Variants in GABRG3 observed in about 807,000 individuals in gnomAD.
The protein encoded by GABRG3 is gamma-aminobutyric acid receptor subunit gamma-3.
A neutral mutation model predicts 48.8 loss-of-function variants in GABRG3; 25 were observed. The observed-to-expected ratio is 0.51, with a 90% confidence interval of 0.37 to 0.72. GABRG3 has a LOEUF of 0.72. GABRG3 is among the 30% of genes least tolerant of loss of function. GABRG3 has a pLI of 0.00. For synonymous variants in GABRG3, 227 were observed against 217.6 expected, an observed-to-expected ratio of 1.04 and a Z score of -0.38; for missense variants, 394 against 577.9, an observed-to-expected ratio of 0.68 and a Z score of 3.26.
At chr15:27,106,282 C>G (rs1030109727) in intron 3 of GABRG3, among the ~76,000 whole-genome samples, 2 of 151,838 alleles carry the variant, frequency 1.3e-5, no homozygotes, top group Non-Finnish European at 2.9e-5. Context: ...GCTCTTGCTA[C>G]AAAAAACAAA....
At chr15:27,189,049 G>C (rs1282689087) in intron 3 of GABRG3, among the ~76,000 whole-genome samples, 1 of 151,930 alleles carries the variant, frequency 6.6e-6, no homozygotes, top group African/African-American at 2.4e-5. Context: ...GATATATGGC[G>C]TTGTTTCTGA....
chr15:27,028,584 A>G (rs533314861), intron 3 of GABRG3, among the ~76,000 whole-genome samples: 2 of 152,264 alleles, frequency 1.3e-5, no homozygotes, highest in African/African-American at 4.8e-5. Context: ...AGGCAGGCAG[A>G]TCACAAGGTC....
chr15:27,287,849 C>T (rs983923188), intron 3 of GABRG3, among the ~76,000 whole-genome samples: 12 of 151,406 alleles, frequency 7.9e-5, no homozygotes, highest in South Asian at 2.1e-4. Flanking sequence ...TACCATTCTC[C>T]GGCCTCAGTC....
At chr15:27,016,906 C>T (rs182398172) in intron 2 of GABRG3, among the ~76,000 whole-genome samples, 278 of 152,246 alleles carry the variant, frequency 1.8e-3, no homozygotes, top group African/African-American at 6.4e-3. Context: ...TTTAAATTCG[C>T]TTAATGTATT....
chr15:27,389,168 A>G (rs576538860), intron 5 of GABRG3, among the ~76,000 whole-genome samples: 1 of 152,226 alleles, frequency 6.6e-6, no homozygotes, highest in Non-Finnish European at 1.5e-5. Context: ...CCAAATAGAA[A>G]GTTAACAGAA....
intron 3 of GABRG3, among the ~76,000 whole-genome samples, chr15:27,047,880 T>A (rs1439594141): frequency 6.6e-6 from 1 of 152,200 alleles, no homozygotes; most frequent in Admixed American, 6.5e-5. Context: ...ATCTATTAAG[T>A]TTTAACTGGT....
At chr15:27,503,460 C>T (rs1305590371) in intron 6 of GABRG3, among the ~76,000 whole-genome samples, 1 of 152,154 alleles carries the variant, frequency 6.6e-6, no homozygotes, top group Non-Finnish European at 1.5e-5. Flanking sequence ...CTCTCCATTT[C>T]AGGAATCCTG....
At chr15:27,306,690 A>C in intron 3 of GABRG3, among the ~76,000 whole-genome samples, 1 of 127,204 alleles carries the variant, frequency 7.9e-6, no homozygotes, top group Non-Finnish European at 1.6e-5. Context: ...ATATATGAAC[A>C]TGTTTATATA....
chr15:27,403,439 A>C (rs537981328), intron 5 of GABRG3, among the ~76,000 whole-genome samples: 1 of 152,332 alleles, frequency 6.6e-6, no homozygotes, highest in East Asian at 1.9e-4. Flanking sequence ...AATCATGGTG[A>C]ATAAGAATGT....
chr15:26,978,104 A>C (rs1186647690), intron 2 of GABRG3, among the ~76,000 whole-genome samples: 1 of 151,834 alleles, frequency 6.6e-6, no homozygotes, highest in Non-Finnish European at 1.5e-5. Flanking sequence ...CTCTTCTTTT[A>C]TTTTATTTAT....
At chr15:27,218,025 T>G (rs1889320618) in intron 3 of GABRG3, among the ~76,000 whole-genome samples, 1 of 152,164 alleles carries the variant, frequency 6.6e-6, no homozygotes, top group African/African-American at 2.4e-5. Flanking sequence ...TTCTCCGAAC[T>G]GCAGGGGAGC....
At chr15:27,421,913 T>G (rs906078470) in intron 5 of GABRG3, among the ~76,000 whole-genome samples, 2 of 148,496 alleles carry the variant, frequency 1.3e-5, no homozygotes, top group Non-Finnish European at 1.5e-5. Context: ...AAGATATCCA[T>G]GGGAGTGGGC....
intron 3 of GABRG3, among the ~76,000 whole-genome samples, chr15:27,146,523 C>T (rs1204304164): frequency 6.6e-6 from 1 of 152,024 alleles, no homozygotes; most frequent in African/African-American, 2.4e-5. Flanking sequence ...ATTCCTCCCT[C>T]AATATTTTTA....
At chr15:27,186,810 A>G (rs6422902) in intron 3 of GABRG3, among the ~76,000 whole-genome samples, 90,326 of 151,936 alleles carry the variant, frequency 0.59, 27,622 homozygotes, top group East Asian at 0.81. Context: ...AGTGTTCTTA[A>G]TCTTTGCCCA....
chr15:27,043,765 A>AT (rs901947819), intron 3 of GABRG3, among the ~76,000 whole-genome samples: 1 of 152,188 alleles, frequency 6.6e-6, no homozygotes, highest in African/African-American at 2.4e-5. Flanking sequence ...CAAAGAACAC[A>AT]TTTTTTACCT....
chr15:27,040,761 G>A (rs1300070533), intron 3 of GABRG3, among the ~76,000 whole-genome samples: 1 of 152,164 alleles, frequency 6.6e-6, no homozygotes, highest in Non-Finnish European at 1.5e-5. Context: ...TGGCTGCAAA[G>A]TTACACGTTA....
At chr15:27,001,923 CTA>C (rs1419590010) in intron 2 of GABRG3, among the ~76,000 whole-genome samples, 145 of 117,422 alleles carry the variant, frequency 1.2e-3, no homozygotes, top group Middle Eastern at 0.011. Context: ...TCAGTGCAAA[CTA>C]GAGTGTTTAG....
intron 3 of GABRG3, among the ~76,000 whole-genome samples, chr15:27,259,301 C>T (rs1354819049): frequency 1.3e-5 from 2 of 152,166 alleles, no homozygotes; most frequent in African/African-American, 4.8e-5. Context: ...GAGGCTTTAG[C>T]TTCCTGACAT....
At chr15:27,048,816 C>CA (rs1896407854) in intron 3 of GABRG3, among the ~76,000 whole-genome samples, 1 of 152,182 alleles carries the variant, frequency 6.6e-6, no homozygotes. Context: ...TCCAAGGCAC[C>CA]AGGCCCTGGT....
Sources: gnomAD v4.1 joint callset for allele counts (sites outside exome capture counted in the v4.1 genomes callset) on GRCh38, gnomAD v4.1.1 for gene constraint, MANE v1.5 for transcripts, NCBI Gene and HGNC (gene_info 2026-07-23, HGNC 2026-07-21) for gene names.